Variants in PHF8 observed in about 807,000 individuals in gnomAD.
The protein encoded by PHF8 is PHD finger protein 8.
In PHF8, 9 loss-of-function variants were observed where a neutral mutation model predicts 74.4. That is an observed-to-expected ratio of 0.12 (90% CI 0.07 to 0.21). PHF8 has a LOEUF of 0.21. PHF8 is among the 10% of genes least tolerant of loss of function. The probability of loss-of-function intolerance (pLI) is 1.00; values close to 1 mark genes in which losing one functional copy is unlikely to be tolerated. For synonymous variants in PHF8, 311 were observed against 316.6 expected, an observed-to-expected ratio of 0.98 and a Z score of 0.19; for missense variants, 478 against 816.6, an observed-to-expected ratio of 0.59 and a Z score of 5.05.
At chrX:53,956,101 G>T (rs1236844691) in intron 19 of PHF8, among the ~76,000 whole-genome samples, 2 of 110,645 alleles carry the variant, frequency 1.8e-5, no homozygotes, top group African/African-American at 6.6e-5. Context: ...ACAAAAATTA[G>T]CCAGGCATGG....
chrX:53,994,318 C>T (rs1020293311), intron 12 of PHF8, among the ~76,000 whole-genome samples: 1 of 112,222 alleles, frequency 8.9e-6, no homozygotes, highest in African/African-American at 3.2e-5. Flanking sequence ...AGACTGTTTG[C>T]TTAGCTGTAA....
chrX:53,962,883 T>C lies in PHF8; in HGVS notation c.2500A>G (p.Lys834Glu). The C allele has an allele frequency of 8.4e-7, 1 of 1,197,270 alleles. No individual in the cohort carries two copies. Among genetic ancestry groups the C allele is most frequent in the Non-Finnish European group, 1.1e-6 (1 of 882,713 alleles). The change falls in exon 19 of 22, where the codon AAA becomes GAA. Residue 834 changes from lysine to glutamate, a missense_variant. Physicochemically the swap from Lys to Glu is moderately conservative, Grantham distance 56. Around this residue, in one of 9 missense-constraint regions of PHF8, gnomAD observed 35 missense variants for 78.8 expected, o/e 0.44. Coordinates refer to ENST00000338154, the MANE Select transcript of PHF8 (RefSeq NM_015107.3). ...DDPALKSRPK[K>E]KKNSDDAPWS... ...GGAGCATCATCTGAATTCTTCTTTT[T>C]CTTGGGTCGAGATTTCAAAGCAGGG...
At chrX:53,995,854 G>A (rs1603323377) in intron 11 of PHF8, 72 bp from the exon 12 acceptor site, 10 of 565,676 alleles carry the variant, frequency 1.8e-5, no homozygotes, top group Non-Finnish European at 2.7e-5. Context: ...ATATGCCAAG[G>A]CAATTCAATG....
rs782373971 is a variant in PHF8 at position 54,037,008 on chromosome X, A to T, written c.98+5623T>A. The stretch of plus-strand genomic sequence containing the variant: ...GGCTGTTTCAGAAAAAATAAAAAAA[A>T]AAAAAAAAAGAAAAGAAAGTCTCAA... On this transcript the variant is annotated intron_variant, in intron 2 of 21. Coordinates refer to ENST00000338154, the MANE Select transcript of PHF8 (RefSeq NM_015107.3). Among the ~76,000 whole-genome samples, 175 of 108,813 alleles carry T rather than the reference A, an allele frequency of 1.6e-3. 1 individual carries two copies. The highest frequency in any genetic ancestry group is 5.4e-3 in the African/African-American group (163 of 30,063). 94.5% of individuals were successfully genotyped at this position (108,813 alleles called of 115,157 possible).
Position 54,020,182 on chromosome X carries a change from G to A in PHF8, c.293+2077C>T, listed in dbSNP as rs782581527. On this transcript the variant is annotated intron_variant, in intron 4 of 21. Transcript: ENST00000338154. ...GCCTGGGGGACAAGAGCGAGACATC[G>A]TCTCAAAATAAATAAATAAATAAAA... Among the ~76,000 whole-genome samples the A allele has an allele frequency of 8.1e-5, 9 of 111,599 alleles. No homozygotes were observed. In the East Asian group the frequency reaches 2.2e-3, roughly 28 times the overall value.
intron 18 of PHF8, among the ~76,000 whole-genome samples, chrX:53,979,000 A>G (rs1189712688): frequency 9.0e-6 from 1 of 111,119 alleles, no homozygotes; most frequent in Non-Finnish European, 1.9e-5. Context: ...GAGTGATCAA[A>G]GGGCTCTGTA....
chrX:53,967,563 A>G (rs1259581229), intron 18 of PHF8, among the ~76,000 whole-genome samples: 1 of 111,719 alleles, frequency 9.0e-6, no homozygotes, highest in Non-Finnish European at 1.9e-5. Flanking sequence ...GGCCGCCCCT[A>G]CTGGGAAGTG....
intron 2 of PHF8, among the ~76,000 whole-genome samples, chrX:54,026,793 G>A (rs2066275317): frequency 9.1e-6 from 1 of 110,074 alleles, no homozygotes. Flanking sequence ...TTTATAGAGA[G>A]GGGGTCTTGC....
At chrX:53,958,043 ATTT>A (rs372976681) in intron 19 of PHF8, among the ~76,000 whole-genome samples, 2 of 96,767 alleles carry the variant, frequency 2.1e-5, no homozygotes, top group African/African-American at 4.0e-5. Context: ...ATCAAGAACT[ATTT>A]TTTTTTTTTT....
At chrX:54,005,823 A>G (rs1233517501) in intron 8 of PHF8, among the ~76,000 whole-genome samples, 6 of 108,379 alleles carry the variant, frequency 5.5e-5, no homozygotes, top group Non-Finnish European at 1.2e-4. Context: ...GGAATGAAAG[A>G]AAAAAAAAAT....
chrX:54,016,363 G>C (rs886807523), intron 6 of PHF8, among the ~76,000 whole-genome samples: 3 of 109,670 alleles, frequency 2.7e-5, no homozygotes, highest in Non-Finnish European at 5.7e-5. Flanking sequence ...GCATGGTGGC[G>C]GGCGCCTGTA....
intron 18 of PHF8, among the ~76,000 whole-genome samples, chrX:53,965,800 A>G (rs1159430051): frequency 8.9e-6 from 1 of 111,846 alleles, no homozygotes; most frequent in Non-Finnish European, 1.9e-5. Flanking sequence ...TGAGGAAGGA[A>G]AATTTGACTT....
chrX:54,039,133 CAAAA>C (rs61507959), intron 2 of PHF8, among the ~76,000 whole-genome samples: 1 of 42,620 alleles, frequency 2.3e-5, no homozygotes. Flanking sequence ...GACTCTGTCT[CAAAA>C]AAAAAAAAAA....
intron 2 of PHF8, among the ~76,000 whole-genome samples, chrX:54,038,569 C>T (rs186426684): frequency 8.9e-6 from 1 of 111,948 alleles, no homozygotes; most frequent in East Asian, 2.8e-4. Context: ...AGTTTGAGAA[C>T]CACCGCTGTA....
chrX:53,943,172 TACAGC>T, intron 20 of PHF8: 1 of 853,582 alleles, frequency 1.2e-6, no homozygotes, highest in Non-Finnish European at 1.5e-6. Context: ...TTTTTCAAAT[TACAGC>T]TTACACTGTA....
intron 8 of PHF8, among the ~76,000 whole-genome samples, chrX:54,007,058 G>A (rs968516122): frequency 9.0e-5 from 10 of 111,584 alleles, no homozygotes; most frequent in Non-Finnish European, 1.9e-4. Flanking sequence ...GAGATGGTGT[G>A]ACACTGTTAG....
At chrX:53,942,105 T>C (rs1557083717) in intron 20 of PHF8, among the ~76,000 whole-genome samples, 1 of 112,008 alleles carries the variant, frequency 8.9e-6, no homozygotes, top group African/African-American at 3.2e-5. Context: ...TAGACCATCT[T>C]ATGACAGAAC....
intron 2 of PHF8, among the ~76,000 whole-genome samples, chrX:54,036,378 G>T (rs932159960): frequency 2.0e-4 from 22 of 108,095 alleles, no homozygotes; most frequent in African/African-American, 7.4e-4. Flanking sequence ...ACGATAACAG[G>T]AAACTCTACA....
chrX:54,031,815 A>G (rs1380971360), intron 2 of PHF8, among the ~76,000 whole-genome samples: 3 of 111,464 alleles, frequency 2.7e-5, no homozygotes, highest in Non-Finnish European at 5.6e-5. Context: ...AACTAGACCA[A>G]AGTTTCTCAG....
Sources: gnomAD v4.1 joint callset for allele counts (sites outside exome capture counted in the v4.1 genomes callset) on GRCh38, gnomAD v4.1.1 for gene constraint, gnomAD v4.1.1 regional missense constraint, MANE v1.5 for transcripts, NCBI Gene and HGNC (gene_info 2026-07-23, HGNC 2026-07-21) for gene names.